DNAH17: variants seen among roughly 807,000 people sequenced by gnomAD.
The protein encoded by DNAH17 is dynein axonemal heavy chain 17, also known as axonemal beta dynein heavy chain 17.
In DNAH17, 376 loss-of-function variants were observed where a neutral mutation model predicts 485.6. That is an observed-to-expected ratio of 0.77 (90% CI 0.71 to 0.84). The LOEUF (loss-of-function observed/expected upper bound fraction) is 0.84. Among genes scored for constraint, DNAH17 ranks in the 40% least tolerant of loss-of-function variants. DNAH17 has a pLI of 0.00. For synonymous variants in DNAH17, 3,031 were observed against 2,405.9 expected, an observed-to-expected ratio of 1.26 and a Z score of -7.60; for missense variants, 6,370 against 5,839.3, an observed-to-expected ratio of 1.09 and a Z score of -2.96.
At position 78,543,868 on chromosome 17, in the gene DNAH17, C is replaced by T. The variant is rs780520135; in HGVS notation, c.2521G>A (p.Ala841Thr). The T allele has an allele frequency of 3.1e-6, 5 of 1,614,038 alleles. No individual in the cohort carries two copies. In the South Asian group the frequency reaches 4.4e-5, roughly 14 times the overall value. The change falls in exon 17 of 81, where the codon GCC (alanine) becomes ACC (threonine). Residue 841 changes from alanine (A) to threonine (T), a missense_variant. By Grantham distance (58) the Ala-to-Thr change is moderately conservative. Transcript: ENST00000389840. Reference sequence around the variant, plus strand: ...GGGTGTTTCCTTACTGCAACCATGGCTTGGATCTTCACTCCAGCATCCCTG... The same window carrying T: ...GGGTGTTTCCTTACTGCAACCATGGTTTGGATCTTCACTCCAGCATCCCTG... Reference protein sequence around the residue: ...AVRDAGVKIQAMVAENAELFR... With the variant: ...AVRDAGVKIQTMVAENAELFR...
chr17:78,552,490 G>A (rs931521248), intron 15 of DNAH17, among the ~76,000 whole-genome samples: 3 of 147,792 alleles, frequency 2.0e-5, no homozygotes, highest in African/African-American at 5.0e-5. Flanking sequence ...GCCGGATTCC[G>A]TTTCTAAGTG....
Position 78,561,824 on chromosome 17 carries a change from G to T in DNAH17, c.1726C>A (p.Pro576Thr). The T allele has an allele frequency of 1.2e-6, 2 of 1,613,862 alleles. No homozygotes were observed. The highest frequency in any genetic ancestry group is 1.7e-6 in the Non-Finnish European group (2 of 1,179,846). Residue 576 changes from proline to threonine, a missense_variant, in exon 12 of 81, where the codon CCC (proline) becomes ACC (threonine). Pro to Thr is a conservative substitution (Grantham distance 38). Transcript: ENST00000389840. Reference protein sequence around the residue: ...QMAASEEGNIPLIHKNMPPVA... With the variant: ...QMAASEEGNITLIHKNMPPVA... ...GGAGGCATGTTTTTGTGGATCAGGGGGATGTTCCCCTCCTCGGAGGCCGCC... is the reference window on the plus strand; with the variant it reads ...GGAGGCATGTTTTTGTGGATCAGGGTGATGTTCCCCTCCTCGGAGGCCGCC...
chr17:78,510,245 A>G (rs2090596849), intron 27 of DNAH17, 139 bp downstream of exon 27: 1 of 1,175,866 alleles, frequency 8.5e-7, no homozygotes, highest in Non-Finnish European at 1.2e-6. Flanking sequence ...GATTTGTCAC[A>G]GGTTGGGTAA....
chr17:78,438,452 GGGAGGA>G (rs1228730320), intron 73 of DNAH17, among the ~76,000 whole-genome samples: 1 of 68,280 alleles, frequency 1.5e-5, no homozygotes, highest in East Asian at 4.1e-4. Flanking sequence ...GGAGGGAGGA[GGGAGGA>G]GGAGGAGGAG....
chr17:78,563,305 T>C (rs931164763), intron 11 of DNAH17, among the ~76,000 whole-genome samples: 1 of 152,160 alleles, frequency 6.6e-6, no homozygotes, highest in Non-Finnish European at 1.5e-5. Context: ...ATGGAAACGC[T>C]GGTGTCCTGC....
At chr17:78,440,701 G>A (rs933123197) in intron 72 of DNAH17, among the ~76,000 whole-genome samples, 6 of 152,196 alleles carry the variant, frequency 3.9e-5, no homozygotes, top group Non-Finnish European at 7.3e-5. Context: ...TCTGTGTAGA[G>A]TACTTGCTTG....
At chr17:78,554,021 C>T (rs1212441370) in intron 14 of DNAH17, among the ~76,000 whole-genome samples, 1 of 152,070 alleles carries the variant, frequency 6.6e-6, no homozygotes, top group African/African-American at 2.4e-5. Flanking sequence ...TCTCAAACTC[C>T]TGAGCTCCAG....
chr17:78,495,157 G>A (rs2090022507), intron 38 of DNAH17, 60 bp from the exon 39 acceptor site: 2 of 1,510,794 alleles, frequency 1.3e-6, no homozygotes, highest in South Asian at 1.3e-5. Context: ...CTACACCCCT[G>A]CCTGTCCCTC....
At position 78,495,017 on chromosome 17, in the gene DNAH17, AGGCG is replaced by A; in HGVS notation, c.5980_5983del (p.Arg1994PhefsTer27). ...CAGGGTGATGAACTTCCTGGCCAGA[AGGCG>A]GGCTTCCAGAAAGCCCTCGGCCATG... On this transcript the variant is annotated frameshift_variant, in exon 39 of 81. Transcript: ENST00000389840. LOFTEE classifies it high-confidence loss of function. 6.2e-7 allele frequency: 1 copy of A among 1,612,874 alleles called. No homozygotes were observed. The highest frequency in any genetic ancestry group is 8.5e-7 in the Non-Finnish European group (1 of 1,179,476).
chr17:78,490,853 A>AG lies in DNAH17; in HGVS notation c.6670-7dup, dbSNP rs774157500. On this transcript the variant is annotated splice_region_variant and splice_polypyrimidine_tract_variant and intron_variant, in intron 43 of 80. Coordinates refer to ENST00000389840, the MANE Select transcript of DNAH17 (RefSeq NM_173628.4). ...TTGCTGGCCAGGGTGAGGACCTAGG[A>AG]GGGGGACAGCAGCCCGTGGGGTCCT... 1.3e-5 allele frequency: 20 copies of AG among 1,591,322 alleles called. No individual in the cohort carries two copies. The highest frequency in any genetic ancestry group is 1.7e-5 in the Non-Finnish European group (20 of 1,167,590).
intron 26 of DNAH17, among the ~76,000 whole-genome samples, chr17:78,514,076 G>A (rs866520968): frequency 6.6e-6 from 1 of 152,132 alleles, no homozygotes; most frequent in African/African-American, 2.4e-5. Context: ...AGTTCCTGGG[G>A]TCATGAGGAC....
intron 48 of DNAH17, 163 bp downstream of exon 48, chr17:78,484,705 G>C (rs986799290): frequency 2.3e-6 from 1 of 429,052 alleles, no homozygotes; most frequent in Non-Finnish European, 3.9e-6. Context: ...TGGGGGCCCA[G>C]CTACGACCCG....
chr17:78,515,171 A>T, intron 25 of DNAH17, 149 bp from the exon 26 acceptor site: 1 of 1,013,720 alleles, frequency 9.9e-7, no homozygotes, highest in East Asian at 2.7e-5. Context: ...AAGTGATTAG[A>T]TACAAGAAAA....
chr17:78,559,038 G>A (rs778075998), intron 13 of DNAH17, among the ~76,000 whole-genome samples: 3 of 152,148 alleles, frequency 2.0e-5, no homozygotes, highest in Non-Finnish European at 4.4e-5. Flanking sequence ...GTCCATGATG[G>A]GGAGCCACAG....
chr17:78,462,823 C>A, intron 57 of DNAH17, 21 bp downstream of exon 57: 1 of 1,612,432 alleles, frequency 6.2e-7, no homozygotes. Context: ...CAGGAGCTGG[C>A]AGCCAGCCCC....
chr17:78,503,853 G>A (rs1383620223), intron 31 of DNAH17, among the ~76,000 whole-genome samples: 2 of 151,852 alleles, frequency 1.3e-5, no homozygotes, highest in African/African-American at 2.4e-5. Flanking sequence ...GTAATCCTAG[G>A]TACTCTGGAG....
At chr17:78,451,752 C>T in intron 65 of DNAH17, 79 bp from the exon 66 acceptor site, 1 of 1,301,656 alleles carries the variant, frequency 7.7e-7, no homozygotes, top group Non-Finnish European at 1.1e-6. Context: ...CCACCTTTCA[C>T]CCCAGCCCCA....
At chr17:78,456,830 C>T (rs909146253) in intron 62 of DNAH17, among the ~76,000 whole-genome samples, 1 of 152,212 alleles carries the variant, frequency 6.6e-6, no homozygotes, top group African/African-American at 2.4e-5. Flanking sequence ...TGAAGACCAG[C>T]CTCATGCAGC....
In DNAH17 at chr17:78,507,326, G is replaced by A. The variant is rs2090513204; in HGVS notation, c.4628C>T (p.Ala1543Val). Residue 1543 changes from alanine (A) to valine (V), a missense_variant, in exon 29 of 81, where the codon GCC becomes GTC. Ala to Val is a moderately conservative substitution (Grantham distance 64). Transcript: ENST00000389840. ...ATTGTAGAGGCCGGGTTTGCTGGTG[G>A]CTTCCACCACGTTGGGTGTTTTCAC... ...DAVKTPNVVE[A>V]TSKPGLYNKL... 20 of 1,614,014 alleles carry A rather than the reference G, an allele frequency of 1.2e-5. No individual in the cohort carries two copies. Among genetic ancestry groups the A allele is most frequent in the Non-Finnish European group, 1.5e-5 (18 of 1,179,898 alleles).
Sources: allele counts gnomAD v4.1 joint callset (sites outside exome capture counted in the v4.1 genomes callset), GRCh38; gene constraint gnomAD v4.1.1; transcripts MANE v1.5; gene names NCBI Gene and HGNC (gene_info 2026-07-23, HGNC 2026-07-21).